Variants in RYR3 observed in about 807,000 individuals in gnomAD.
The protein encoded by RYR3 is brain ryanodine receptor-calcium release channel.
A neutral mutation model predicts 584.3 loss-of-function variants in RYR3; 207 were observed. That is an observed-to-expected ratio of 0.35 (90% CI 0.32 to 0.40). The LOEUF is 0.40. Ranked by LOEUF, RYR3 falls within the 10% of genes least tolerant of loss-of-function variation. RYR3 has a pLI of 1.00. For synonymous variants in RYR3, 2,416 were observed against 2,248.5 expected, an observed-to-expected ratio of 1.07 and a Z score of -2.11; for missense variants, 5,616 against 6,089.2, an observed-to-expected ratio of 0.92 and a Z score of 2.59.
At chr15:33,372,358 A>ATTTTTT (rs59663566) in intron 1 of RYR3, among the ~76,000 whole-genome samples, 1 of 75,550 alleles carries the variant, frequency 1.3e-5, no homozygotes, top group Non-Finnish European at 2.4e-5. Flanking sequence ...TGCCCGGCTA[A>ATTTTTT]TTTTTTTTTT....
chr15:33,633,130 A>G (rs964818781), intron 24 of RYR3, 22 bp downstream of exon 24: 2 of 1,609,276 alleles, frequency 1.2e-6, no homozygotes, highest in Non-Finnish European at 8.5e-7. Context: ...TGGGTCAGGC[A>G]TGCTGGAAAA....
intron 1 of RYR3, among the ~76,000 whole-genome samples, chr15:33,464,503 T>TACAC (rs1555487154): frequency 0.022 from 2,329 of 105,818 alleles, 67 homozygotes; most frequent in Non-Finnish European, 0.029. Context: ...CATATATATA[T>TACAC]ACATACACAT....
In RYR3 at chr15:33,861,102, G is replaced by T; in HGVS notation, c.14389G>T (p.Gly4797Cys). 1 of 1,594,220 alleles carries T rather than the reference G, an allele frequency of 6.3e-7. No individual in the cohort carries two copies. The highest frequency in any genetic ancestry group is 1.1e-5 in the South Asian group (1 of 87,618). ...GACTAAATGTTTCATCTGTGGGATTGGCAATGACTACTTTGACACAACCCC... is the reference window on the plus strand; with the variant it reads ...GACTAAATGTTTCATCTGTGGGATTTGCAATGACTACTTTGACACAACCCC... ...METKCFICGI[G>C]NDYFDTTPHG... Residue 4797 changes from glycine to cysteine, a missense_variant, in exon 102 of 104, where the codon GGC (glycine) becomes TGC (cysteine). Coordinates refer to ENST00000634891, the MANE Select transcript of RYR3 (RefSeq NM_001036.6).
chr15:33,537,825 T>G (rs934939754), intron 5 of RYR3, among the ~76,000 whole-genome samples: 2 of 152,172 alleles, frequency 1.3e-5, no homozygotes, highest in African/African-American at 4.8e-5. Flanking sequence ...TTTTTCAGCT[T>G]TGAAAAAACT....
chr15:33,745,756 A>T (rs535045113), intron 52 of RYR3, among the ~76,000 whole-genome samples: 21 of 152,228 alleles, frequency 1.4e-4, no homozygotes, highest in Non-Finnish European at 8.8e-5. Context: ...CTGCGAGGGG[A>T]GTACTCTAAC....
At chr15:33,676,241 TAAA>T (rs10690504) in intron 38 of RYR3, among the ~76,000 whole-genome samples, 1 of 143,308 alleles carries the variant, frequency 7.0e-6, no homozygotes, top group Non-Finnish European at 1.5e-5. Context: ...CTCTAGAAGG[TAAA>T]AAAAAAAAAA....
chr15:33,854,761 C>G lies in RYR3; in HGVS notation c.13861-5C>G. On this transcript the variant is annotated splice_region_variant and splice_polypyrimidine_tract_variant and intron_variant, in intron 97 of 103. Coordinates refer to ENST00000634891, the MANE Select transcript of RYR3 (RefSeq NM_001036.6). ...GCTTAAAAGTCTGCTTTCTTCCATT[C>G]CCAGTCCTTTCTCTACCTTGCCTGG... is the stretch of plus-strand genomic sequence containing the variant. 1.9e-6 allele frequency: 3 copies of G among 1,598,754 alleles called. No homozygotes were observed. Among genetic ancestry groups the G allele is most frequent in the South Asian group, 1.1e-5 (1 of 87,282 alleles).
chr15:33,725,966 T>TTCCCCCCCC (rs1266306060), intron 45 of RYR3, among the ~76,000 whole-genome samples: 1 of 15,742 alleles, frequency 6.4e-5, no homozygotes. Flanking sequence ...CAAGACTCCA[T>TTCCCCCCCC]CCCCCCCCCC....
intron 1 of RYR3, among the ~76,000 whole-genome samples, chr15:33,370,580 T>TA (rs2141089359): frequency 6.6e-6 from 1 of 152,328 alleles, no homozygotes; most frequent in Non-Finnish European, 1.5e-5. Context: ...AGATACAAAG[T>TA]AAACGTATTG....
At chr15:33,527,646 G>A (rs1202715896) in intron 3 of RYR3, among the ~76,000 whole-genome samples, 2 of 151,538 alleles carry the variant, frequency 1.3e-5, no homozygotes, top group African/African-American at 2.4e-5. Flanking sequence ...TTTGCTATCT[G>A]CCCTTTTACA....
chr15:33,814,867 C>G (rs1373700498), intron 74 of RYR3, among the ~76,000 whole-genome samples: 4 of 145,832 alleles, frequency 2.7e-5, no homozygotes, highest in Non-Finnish European at 5.9e-5. Context: ...CGCTACTGCA[C>G]TCTAGCCTGG....
chr15:33,431,070 A>C (rs1221703728), intron 1 of RYR3, among the ~76,000 whole-genome samples: 1 of 152,220 alleles, frequency 6.6e-6, no homozygotes, highest in Non-Finnish European at 1.5e-5. Context: ...GAATGGGTGA[A>C]AGTGTGGAGT....
At chr15:33,514,497 A>C (rs955641736) in intron 3 of RYR3, among the ~76,000 whole-genome samples, 3 of 151,922 alleles carry the variant, frequency 2.0e-5, no homozygotes, top group Admixed American at 2.0e-4. Flanking sequence ...CTGACTCCTG[A>C]GTCCTGCTCT....
At chr15:33,404,585 G>GTTTTTTTTTTT (rs200311525) in intron 1 of RYR3, among the ~76,000 whole-genome samples, 12 of 127,754 alleles carry the variant, frequency 9.4e-5, no homozygotes, top group Non-Finnish European at 1.6e-4. Context: ...ATTTACTACT[G>GTTTTTTTTTTT]TGTGTTTTTT....
intron 1 of RYR3, among the ~76,000 whole-genome samples, chr15:33,359,100 C>T (rs974263286): frequency 1.3e-5 from 2 of 152,182 alleles, no homozygotes; most frequent in Admixed American, 1.3e-4. Context: ...GTTTAGGCCC[C>T]TGTCATCTCT....
chr15:33,652,969 C>G (rs2062579057), intron 32 of RYR3, 86 bp downstream of exon 32: 11 of 1,375,788 alleles, frequency 8.0e-6, no homozygotes, highest in Non-Finnish European at 1.1e-5. Context: ...CTCAGCATTC[C>G]TGCCACAGTG....
At chr15:33,480,070 G>C (rs1388986580) in intron 2 of RYR3, among the ~76,000 whole-genome samples, 1 of 152,136 alleles carries the variant, frequency 6.6e-6, no homozygotes, top group Non-Finnish European at 1.5e-5. Flanking sequence ...GGTAAGACTG[G>C]GGAGGAGGGG....
intron 38 of RYR3, among the ~76,000 whole-genome samples, chr15:33,688,711 A>G (rs1370297117): frequency 1.3e-5 from 2 of 152,254 alleles, no homozygotes; most frequent in Non-Finnish European, 2.9e-5. Flanking sequence ...CGATCATTAA[A>G]AAGTCAGGAA....
At chr15:33,415,406 G>T (rs1249376645) in intron 1 of RYR3, among the ~76,000 whole-genome samples, 2 of 151,768 alleles carry the variant, frequency 1.3e-5, no homozygotes, top group Non-Finnish European at 2.9e-5. Flanking sequence ...TTAATAATTT[G>T]CATGACTGTA....
Sources: allele counts gnomAD v4.1 joint callset (sites outside exome capture counted in the v4.1 genomes callset), GRCh38; gene constraint gnomAD v4.1.1; transcripts MANE v1.5; gene names NCBI Gene and HGNC (gene_info 2026-07-23, HGNC 2026-07-21).